Variants in TCF12 observed in about 807,000 individuals in gnomAD.
The protein encoded by TCF12 is transcription factor 12.
In TCF12, 45 loss-of-function variants were observed where a neutral mutation model predicts 86.0. The observed-to-expected ratio is 0.52, with a 90% CI of 0.41 to 0.67. TCF12 has a LOEUF of 0.67. Among genes scored for constraint, TCF12 ranks in the 30% least tolerant of loss-of-function variants. The pLI is 0.00. For missense variants in TCF12, 881 were observed against 859.9 expected (o/e 1.02, Z -0.31); for synonymous variants, 330 against 299.6 (o/e 1.10, Z -1.05).
chr15:57,063,688 G>C, intron 3 of TCF12, 62 bp from the exon 4 acceptor site: 1 of 1,464,600 alleles, frequency 6.8e-7, no homozygotes, highest in Non-Finnish European at 9.5e-7. Flanking sequence ...CTGCTGTCCC[G>C]TACCAAAAAA....
intron 8 of TCF12, among the ~76,000 whole-genome samples, chr15:57,205,567 A>G (rs2057770765): frequency 6.6e-6 from 1 of 152,242 alleles, no homozygotes; most frequent in South Asian, 2.1e-4. Context: ...CTACTGTGAT[A>G]CAAAATTTCC....
chr15:56,958,672 AGAGAGAGTGTGTGTGTGTGT>A (rs1288018748), intron 3 of TCF12, among the ~76,000 whole-genome samples: 1 of 65,732 alleles, frequency 1.5e-5, no homozygotes, highest in Non-Finnish European at 3.5e-5. Flanking sequence ...AGAGAGAGAG[AGAGAGAGTGTGTGTGTGTGT>A]GTGTGTGTGT....
At chr15:57,116,236 C>T (rs771507248) in intron 5 of TCF12, among the ~76,000 whole-genome samples, 1 of 152,224 alleles carries the variant, frequency 6.6e-6, no homozygotes, top group Non-Finnish European at 1.5e-5. Flanking sequence ...TACATATACA[C>T]ATTTTCACAG....
chr15:57,211,330 T>A (rs534787204), intron 8 of TCF12, among the ~76,000 whole-genome samples: 1 of 152,164 alleles, frequency 6.6e-6, no homozygotes, highest in East Asian at 1.9e-4. Flanking sequence ...TTTGGGAGGC[T>A]GAGGTGGGAG....
intron 6 of TCF12, among the ~76,000 whole-genome samples, chr15:57,168,943 A>G (rs1254048992): frequency 2.6e-5 from 4 of 152,042 alleles, no homozygotes; most frequent in Non-Finnish European, 4.4e-5. Context: ...CTACTTGGGA[A>G]GCTGAGGCAG....
intron 6 of TCF12, among the ~76,000 whole-genome samples, chr15:57,170,546 A>G (rs895467595): frequency 7.0e-6 from 1 of 143,266 alleles, no homozygotes; most frequent in African/African-American, 2.6e-5. Flanking sequence ...TGTGGCCCAC[A>G]TAACAAAAGG....
intron 3 of TCF12, among the ~76,000 whole-genome samples, chr15:56,923,223 T>C (rs1203205590): frequency 1.3e-5 from 2 of 152,054 alleles, no homozygotes; most frequent in Non-Finnish European, 2.9e-5. Context: ...CAGTGGGCTG[T>C]TTTTGAGAAA....
intron 3 of TCF12, among the ~76,000 whole-genome samples, chr15:56,980,538 A>G (rs1266058678): frequency 6.6e-6 from 1 of 152,196 alleles, no homozygotes; most frequent in African/African-American, 2.4e-5. Context: ...ATTTCTGTTT[A>G]TAAATTACCC....
chr15:57,152,957 A>C (rs191810833), intron 5 of TCF12, among the ~76,000 whole-genome samples: 1 of 152,280 alleles, frequency 6.6e-6, no homozygotes, highest in East Asian at 1.9e-4. Context: ...AGAAAAAAAA[A>C]CACATCATGT....
At chr15:57,137,439 T>C (rs2052633772) in intron 5 of TCF12, among the ~76,000 whole-genome samples, 1 of 152,250 alleles carries the variant, frequency 6.6e-6, no homozygotes, top group Admixed American at 6.5e-5. Flanking sequence ...AAAGGGCTTA[T>C]ATTGAAAAAT....
At chr15:56,918,598 G>A (rs1273823092), upstream of TCF12, 2 of 261,538 alleles carry the variant, frequency 7.6e-6, no homozygotes, top group Non-Finnish European at 1.5e-5. Flanking sequence ...GTCGGGGAGG[G>A]AAGGGTTAAC....
intron 3 of TCF12, among the ~76,000 whole-genome samples, chr15:56,942,534 A>G (rs1367362004): frequency 6.6e-6 from 1 of 152,196 alleles, no homozygotes; most frequent in Non-Finnish European, 1.5e-5. Context: ...TTGGTTTAGA[A>G]GAGGGTATTA....
At chr15:57,151,958 G>C (rs933364924) in intron 5 of TCF12, among the ~76,000 whole-genome samples, 1 of 152,168 alleles carries the variant, frequency 6.6e-6, no homozygotes, top group Non-Finnish European at 1.5e-5. Flanking sequence ...CTTGAGGACA[G>C]ACCCACTCTC....
At chr15:57,257,708 T>C (rs1006359716) in intron 16 of TCF12, among the ~76,000 whole-genome samples, 12 of 146,024 alleles carry the variant, frequency 8.2e-5, no homozygotes, top group Non-Finnish European at 1.5e-4. Context: ...TATATAGTGG[T>C]ACAGACAGGT....
chr15:57,271,231 C>T (rs4378569), intron 18 of TCF12, among the ~76,000 whole-genome samples: 112,831 of 152,206 alleles, frequency 0.74, 41,973 homozygotes, highest in East Asian at 0.82. Context: ...CCGCCCAGTT[C>T]GAGCTTCCCT....
intron 4 of TCF12, among the ~76,000 whole-genome samples, chr15:57,076,657 A>C (rs1384890571): frequency 1.3e-5 from 2 of 151,958 alleles, no homozygotes; most frequent in Non-Finnish European, 1.5e-5. Flanking sequence ...AAAAAAGAAA[A>C]GAAAGGAATA....
chr15:57,270,890 C>T (rs1050302054), intron 18 of TCF12, among the ~76,000 whole-genome samples: 2 of 152,170 alleles, frequency 1.3e-5, no homozygotes, highest in Admixed American at 6.5e-5. Flanking sequence ...GTATCACCAG[C>T]GGAGGCTGCA....
intron 3 of TCF12, among the ~76,000 whole-genome samples, chr15:56,995,970 G>C (rs2063693616): frequency 6.6e-6 from 1 of 152,152 alleles, no homozygotes; most frequent in Admixed American, 6.6e-5. Flanking sequence ...TCAAGGCCTA[G>C]TTTGTTGAGG....
chr15:57,026,506 C>T (rs1596188349), intron 3 of TCF12, among the ~76,000 whole-genome samples: 1 of 152,148 alleles, frequency 6.6e-6, no homozygotes, highest in African/African-American at 2.4e-5. Flanking sequence ...CTTTTCTCCA[C>T]AAATTGTCTG....
Sources: allele counts gnomAD v4.1 joint callset (sites outside exome capture counted in the v4.1 genomes callset), GRCh38; gene constraint gnomAD v4.1.1; transcripts MANE v1.5; gene names NCBI Gene and HGNC (gene_info 2026-07-23, HGNC 2026-07-21).